PRDM5: variants seen among roughly 807,000 people sequenced by gnomAD.
PRDM5 encodes PR/SET domain 5.
A neutral mutation model predicts 81.2 loss-of-function variants in PRDM5; 56 were observed. The ratio of observed to expected loss-of-function variants is 0.69; its 90% CI spans 0.56 to 0.86. The LOEUF (loss-of-function observed/expected upper bound fraction) is 0.86. Ranked by LOEUF, PRDM5 falls within the 40% of genes least tolerant of loss-of-function variation. The probability of loss-of-function intolerance (pLI) is 0.00; values close to 1 mark genes in which losing one functional copy is unlikely to be tolerated. For missense variants in PRDM5, 697 were observed against 770.1 expected (o/e 0.91, Z 1.12); for synonymous variants, 267 against 256.4 (o/e 1.04, Z -0.39).
chr4:120,765,987 T>G (rs2149193569), intron 13 of PRDM5, among the ~76,000 whole-genome samples: 1 of 150,532 alleles, frequency 6.6e-6, no homozygotes, highest in South Asian at 2.1e-4. Context: ...TTAGACAGAG[T>G]TTCACTCTAT....
At chr4:120,767,592 A>C (rs1310068762) in intron 13 of PRDM5, among the ~76,000 whole-genome samples, 1 of 152,244 alleles carries the variant, frequency 6.6e-6, no homozygotes, top group Admixed American at 6.5e-5. Context: ...TCAAAGGTCC[A>C]ACTGCCAATT....
intron 13 of PRDM5, among the ~76,000 whole-genome samples, chr4:120,757,366 G>A (rs975937256): frequency 3.3e-5 from 5 of 152,142 alleles, no homozygotes; most frequent in African/African-American, 4.8e-5. Context: ...TTGAAAAACT[G>A]GATAAATTAT....
At chr4:120,732,396 TC>T (rs1357797863) in intron 14 of PRDM5, among the ~76,000 whole-genome samples, 1 of 152,178 alleles carries the variant, frequency 6.6e-6, no homozygotes, top group African/African-American at 2.4e-5. Flanking sequence ...AGAAACTTTG[TC>T]CTTTTCACAT....
chr4:120,703,396 C>T (rs114588208), intron 15 of PRDM5, among the ~76,000 whole-genome samples: 6,005 of 152,104 alleles, frequency 0.039, 283 homozygotes, highest in African/African-American at 0.11. Flanking sequence ...TGCTATGTTG[C>T]CCAGATTGGT....
intron 8 of PRDM5, among the ~76,000 whole-genome samples, chr4:120,804,320 GA>G (rs1321717403): frequency 2.0e-5 from 3 of 152,136 alleles, no homozygotes; most frequent in Non-Finnish European, 4.4e-5. Flanking sequence ...GGATATCCAG[GA>G]ATTGAACTCA....
intron 14 of PRDM5, among the ~76,000 whole-genome samples, chr4:120,715,887 C>T (rs1302143621): frequency 6.6e-6 from 1 of 152,162 alleles, no homozygotes; most frequent in Non-Finnish European, 1.5e-5. Context: ...CAATGAAAAT[C>T]AAGACCTGGG....
intron 2 of PRDM5, among the ~76,000 whole-genome samples, chr4:120,905,074 T>C (rs531324199): frequency 6.6e-6 from 1 of 152,282 alleles, no homozygotes; most frequent in African/African-American, 2.4e-5. Context: ...AGAAACATAG[T>C]GAAAGCCATT....
At chr4:120,835,344 GA>G (rs1482503989) in intron 3 of PRDM5, among the ~76,000 whole-genome samples, 1 of 152,180 alleles carries the variant, frequency 6.6e-6, no homozygotes, top group Non-Finnish European at 1.5e-5. Context: ...CTAGTAAAGA[GA>G]AAATGTGTCT....
At chr4:120,813,857 C>A (rs150608516) in intron 7 of PRDM5, among the ~76,000 whole-genome samples, 2 of 152,272 alleles carry the variant, frequency 1.3e-5, no homozygotes, top group East Asian at 3.9e-4. Context: ...CTACTCCTTC[C>A]CACTGGATGG....
intron 14 of PRDM5, among the ~76,000 whole-genome samples, chr4:120,731,981 T>C (rs1166358303): frequency 4.6e-5 from 7 of 152,108 alleles, no homozygotes; most frequent in Non-Finnish European, 1.0e-4. Context: ...ATTCTGTGAG[T>C]AGGTGACAGA....
At chr4:120,919,971 C>T (rs1724689149) in intron 1 of PRDM5, among the ~76,000 whole-genome samples, 1 of 151,980 alleles carries the variant, frequency 6.6e-6, no homozygotes, top group Non-Finnish European at 1.5e-5. Context: ...AAATCAGAGG[C>T]AACAGACCAG....
At chr4:120,699,620 A>T (rs906787408) in intron 15 of PRDM5, among the ~76,000 whole-genome samples, 2 of 152,138 alleles carry the variant, frequency 1.3e-5, no homozygotes, top group Non-Finnish European at 2.9e-5. Flanking sequence ...CACCAAAGTC[A>T]AATCATCTGT....
intron 14 of PRDM5, among the ~76,000 whole-genome samples, chr4:120,750,377 C>T (rs541140809): frequency 3.9e-5 from 6 of 152,212 alleles, no homozygotes; most frequent in South Asian, 2.1e-4. Context: ...CTGCCAGTGG[C>T]GGGACAAAGG....
At chr4:120,825,120 A>G (rs1755793428) in intron 3 of PRDM5, among the ~76,000 whole-genome samples, 2 of 152,132 alleles carry the variant, frequency 1.3e-5, no homozygotes, top group African/African-American at 4.8e-5. Context: ...TTGACTAGCT[A>G]TGTGACTGAG....
chr4:120,815,694 C>T (rs1413363179), intron 7 of PRDM5, among the ~76,000 whole-genome samples: 1 of 152,178 alleles, frequency 6.6e-6, no homozygotes, highest in Non-Finnish European at 1.5e-5. Flanking sequence ...AAAATAAACA[C>T]ATGAACAAAG....
chr4:120,881,844 A>C (rs1435588298), intron 2 of PRDM5, among the ~76,000 whole-genome samples: 2 of 152,172 alleles, frequency 1.3e-5, no homozygotes, highest in Non-Finnish European at 2.9e-5. Flanking sequence ...CTATTGTCTA[A>C]TGTTCACTTT....
intron 4 of PRDM5, among the ~76,000 whole-genome samples, chr4:120,819,963 T>A (rs149206643): frequency 3.3e-5 from 5 of 152,306 alleles, no homozygotes; most frequent in African/African-American, 1.2e-4. Flanking sequence ...ACAGAAAAAG[T>A]ACAGGAAAAG....
In PRDM5 at chr4:120,805,130, AC is replaced by A. The variant is rs1316706874; in HGVS notation, c.946-5386del. 2.0e-5 allele frequency among the ~76,000 whole-genome samples: 3 copies of A among 152,140 alleles called. No homozygotes were observed. The East Asian group carries it at 5.8e-4, about 29-fold the overall frequency. On this transcript the variant is annotated intron_variant, in intron 8 of 15. Transcript: ENST00000264808. ...AATGGATACATTCCTCGACACATAC[AC>A]CCTCCCAAGACTAAAGCAGGAAAAA...
intron 13 of PRDM5, among the ~76,000 whole-genome samples, chr4:120,754,995 G>A (rs1744520460): frequency 6.6e-6 from 1 of 152,142 alleles, no homozygotes; most frequent in African/African-American, 2.4e-5. Flanking sequence ...CTCTATCACT[G>A]TACTACTCTT....
Sources: allele counts gnomAD v4.1 joint callset (sites outside exome capture counted in the v4.1 genomes callset), GRCh38; gene constraint gnomAD v4.1.1; transcripts MANE v1.5; gene names NCBI Gene and HGNC (gene_info 2026-07-23, HGNC 2026-07-21).